CCSER1: variants seen among roughly 807,000 people sequenced by gnomAD.
CCSER1 encodes the protein coiled-coil serine rich protein 1.
CCSER1 carries 41 observed loss-of-function variants against 82.0 expected under a neutral mutation model. The ratio of observed to expected loss-of-function variants is 0.50; its 90% CI spans 0.39 to 0.65. The LOEUF is 0.65. CCSER1 is among the 30% of genes least tolerant of loss of function. CCSER1 has a pLI of 0.00. For synonymous variants in CCSER1, 414 were observed against 383.9 expected (o/e 1.08, Z -0.92); for missense variants, 1,119 against 1,064.2 (o/e 1.05, Z -0.72).
At position 90,181,972 on chromosome 4, in the gene CCSER1, C is replaced by T. The variant is rs186056876; in HGVS notation, c.-42+54141C>T. On this transcript the variant is annotated intron_variant, in intron 1 of 10. Transcript: ENST00000509176. ...GGTTTGGGTCATAGGATTTGGGATA[C>T]AGTAAGAGGTCATAAAGGCAATAAC... 2.0e-3 allele frequency among the ~76,000 whole-genome samples: 306 copies of T among 152,104 alleles called. 4 individuals are homozygous for T. Among genetic ancestry groups the T allele is most frequent in the African/African-American group, 6.7e-3 (277 of 41,480 alleles).
chr4:90,273,023 A>AAAC (rs111483344), intron 1 of CCSER1, among the ~76,000 whole-genome samples: 39 of 109,824 alleles, frequency 3.6e-4, no homozygotes, highest in African/African-American at 1.7e-3. Flanking sequence ...ACAAACAAAC[A>AAAC]AAAAAAAACA....
chr4:90,556,864 A>G (rs192937808), intron 5 of CCSER1, among the ~76,000 whole-genome samples: 56 of 151,586 alleles, frequency 3.7e-4, no homozygotes, highest in African/African-American at 1.3e-3. Context: ...GTATATATAT[A>G]TATATATGGA....
At chr4:91,438,484 C>A (rs1485612850) in intron 10 of CCSER1, among the ~76,000 whole-genome samples, 1 of 151,988 alleles carries the variant, frequency 6.6e-6, no homozygotes. Flanking sequence ...CCCATCTGTA[C>A]ATCACCATCA....
chr4:90,894,433 C>A (rs553802318), intron 8 of CCSER1, among the ~76,000 whole-genome samples: 1 of 151,888 alleles, frequency 6.6e-6, no homozygotes, highest in Admixed American at 6.6e-5. Flanking sequence ...TTGAAAATGC[C>A]GAGGCAACAA....
intron 9 of CCSER1, among the ~76,000 whole-genome samples, chr4:91,082,488 C>A (rs1051893401): frequency 3.3e-5 from 5 of 152,110 alleles, no homozygotes; most frequent in Admixed American, 6.5e-5. Context: ...ACCATTCAGG[C>A]CATAGGCATG....
chr4:91,349,241 T>C (rs1578239466), intron 10 of CCSER1, among the ~76,000 whole-genome samples: 1 of 152,160 alleles, frequency 6.6e-6, no homozygotes, highest in East Asian at 1.9e-4. Flanking sequence ...TTTCAATTTA[T>C]GTTTTTGACT....
intron 10 of CCSER1, among the ~76,000 whole-genome samples, chr4:91,276,286 G>A (rs1441637087): frequency 7.7e-6 from 1 of 130,448 alleles, no homozygotes; most frequent in Non-Finnish European, 1.6e-5. Flanking sequence ...CTGCTGGGAT[G>A]TCTTTCCTTT....
intron 1 of CCSER1, among the ~76,000 whole-genome samples, chr4:90,288,079 T>C (rs574776900): frequency 6.6e-6 from 1 of 152,138 alleles, no homozygotes; most frequent in East Asian, 1.9e-4. Flanking sequence ...CTTGTTTATC[T>C]GTACCATGCT....
intron 8 of CCSER1, among the ~76,000 whole-genome samples, chr4:90,918,848 T>A (rs1727932974): frequency 6.6e-6 from 1 of 151,880 alleles, no homozygotes; most frequent in Admixed American, 6.6e-5. Flanking sequence ...ATTTTTAGAT[T>A]GCTTGAACTG....
chr4:90,452,455 C>G (rs1341371133), intron 4 of CCSER1, among the ~76,000 whole-genome samples: 4 of 152,168 alleles, frequency 2.6e-5, no homozygotes, highest in Non-Finnish European at 5.9e-5. Context: ...TAAGTTATTC[C>G]CCATGGTTAA....
intron 9 of CCSER1, among the ~76,000 whole-genome samples, chr4:91,025,614 C>T (rs948813637): frequency 6.6e-6 from 1 of 152,070 alleles, no homozygotes. Context: ...GCTGAACCCC[C>T]TGAAACTTCT....
intron 10 of CCSER1, among the ~76,000 whole-genome samples, chr4:91,181,143 G>C: frequency 6.6e-6 from 1 of 152,158 alleles, no homozygotes; most frequent in East Asian, 1.9e-4. Flanking sequence ...TTTGTTTATG[G>C]TCAGTTTTGG....
chr4:91,119,350 CA>C (rs1726892522), intron 10 of CCSER1, among the ~76,000 whole-genome samples: 1 of 151,744 alleles, frequency 6.6e-6, no homozygotes, highest in Non-Finnish European at 1.5e-5. Context: ...TTCAGATATG[CA>C]AAATTATATA....
chr4:90,988,516 A>C (rs1353595008), intron 9 of CCSER1, among the ~76,000 whole-genome samples: 1 of 151,630 alleles, frequency 6.6e-6, no homozygotes, highest in African/African-American at 2.4e-5. Flanking sequence ...ATTCCATTAA[A>C]TCAAGCCAAT....
chr4:91,367,433 T>C (rs1158429772), intron 10 of CCSER1, among the ~76,000 whole-genome samples: 1 of 90,344 alleles, frequency 1.1e-5, no homozygotes, highest in East Asian at 6.5e-4. Context: ...TTGATTTCTT[T>C]CTTTTTTTTT....
In CCSER1 at chr4:91,204,172, G is replaced by T. The variant is rs538534839; in HGVS notation, c.2217+118178G>T. ...ATTGTTTTTATAAAGCTTAGGAATG[G>T]TCTCTGTCCTCAACGGGGTGACTTA... On this transcript the variant is annotated intron_variant, in intron 10 of 10. Transcript: ENST00000509176. Among the ~76,000 whole-genome samples the T allele has an allele frequency of 1.6e-3, 247 of 151,878 alleles. 2 individuals carry two copies. The highest frequency in any genetic ancestry group is 5.6e-3 in the African/African-American group (231 of 41,482).
At chr4:91,283,721 T>G (rs986727881) in intron 10 of CCSER1, among the ~76,000 whole-genome samples, 4 of 152,116 alleles carry the variant, frequency 2.6e-5, no homozygotes, top group Non-Finnish European at 5.9e-5. Flanking sequence ...TTTATTTATT[T>G]TGATTTCTAT....
At chr4:91,508,910 G>A (rs558708942) in intron 10 of CCSER1, among the ~76,000 whole-genome samples, 260 of 151,810 alleles carry the variant, frequency 1.7e-3, no homozygotes, top group Non-Finnish European at 3.3e-3. Context: ...TGATCCCTTT[G>A]ATCAATTTTA....
At chr4:90,658,534 T>C (rs1022282226) in intron 6 of CCSER1, among the ~76,000 whole-genome samples, 5 of 152,164 alleles carry the variant, frequency 3.3e-5, no homozygotes, top group African/African-American at 9.7e-5. Flanking sequence ...TGCTTTCTGC[T>C]CAACTTCTCA....
Sources: gnomAD v4.1 joint callset for allele counts (sites outside exome capture counted in the v4.1 genomes callset) on GRCh38, gnomAD v4.1.1 for gene constraint, MANE v1.5 for transcripts, NCBI Gene and HGNC (gene_info 2026-07-23, HGNC 2026-07-21) for gene names.